SEZ6L: variants seen among roughly 807,000 people sequenced by gnomAD.
The protein encoded by SEZ6L is seizure related 6 homolog like, also known as seizure 6-like protein.
In SEZ6L, 37 loss-of-function variants were observed where a neutral mutation model predicts 106.2. The observed-to-expected ratio is 0.35, with a 90% CI of 0.27 to 0.46. The LOEUF (loss-of-function observed/expected upper bound fraction) is 0.46. SEZ6L is among the 20% of genes least tolerant of loss of function. The pLI is 1.00. For synonymous variants in SEZ6L, 541 were observed against 570.4 expected (o/e 0.95, Z 0.73); for missense variants, 1,172 against 1,332.8 (o/e 0.88, Z 1.88).
chr22:26,294,154 C>T (rs1409026846), intron 2 of SEZ6L, 138 bp from the exon 3 acceptor site: 2 of 723,692 alleles, frequency 2.8e-6, no homozygotes, highest in Non-Finnish European at 4.7e-6. Context: ...AATTCTGGAG[C>T]TGAGGAATTA....
chr22:26,306,264 G>T (rs1055499804), intron 6 of SEZ6L, 120 bp downstream of exon 6: 50 of 1,141,820 alleles, frequency 4.4e-5, no homozygotes, highest in Non-Finnish European at 5.6e-5. Context: ...GAAAAGAAGA[G>T]CTGGGGTGGA....
At chr22:26,352,160 CAA>C (rs3071657) in intron 12 of SEZ6L, among the ~76,000 whole-genome samples, 21 of 121,118 alleles carry the variant, frequency 1.7e-4, no homozygotes, top group South Asian at 2.8e-4. Context: ...GACCCTGCCT[CAA>C]AAAAAAAAAA....
At chr22:26,347,309 G>A (rs767192588) in intron 10 of SEZ6L, among the ~76,000 whole-genome samples, 11 of 151,990 alleles carry the variant, frequency 7.2e-5, no homozygotes, top group Admixed American at 1.3e-4. Context: ...GTAAACCCTC[G>A]GAGGTGAGAG....
At chr22:26,310,086 C>G (rs1175168303) in intron 6 of SEZ6L, among the ~76,000 whole-genome samples, 2 of 152,226 alleles carry the variant, frequency 1.3e-5, no homozygotes, top group Non-Finnish European at 2.9e-5. Context: ...TAGTCAACAT[C>G]AATTCATTAG....
At chr22:26,204,223 A>G (rs1041760065) in intron 1 of SEZ6L, among the ~76,000 whole-genome samples, 4 of 152,240 alleles carry the variant, frequency 2.6e-5, no homozygotes, top group Non-Finnish European at 5.9e-5. Context: ...AAGGTACAAT[A>G]CAGACATGGT....
At chr22:26,279,093 G>A (rs1296662176) in intron 1 of SEZ6L, among the ~76,000 whole-genome samples, 1 of 152,084 alleles carries the variant, frequency 6.6e-6, no homozygotes, top group African/African-American at 2.4e-5. Context: ...CCAGTGCCTC[G>A]ACTTCCCATG....
rs2081618684 is a variant in SEZ6L at position 26,306,003 on chromosome 22, A to G, written c.1373A>G (p.Asn458Ser). 1 of 1,613,624 alleles carries G rather than the reference A, an allele frequency of 6.2e-7. No homozygotes were observed. Among genetic ancestry groups the G allele is most frequent in the African/African-American group, 1.3e-5 (1 of 74,854 alleles). ...GCTCCTTGTGGAGGGGCAGTGCACA[A>G]TGCCACCATCGGCCGCGTCCTCTCC... The part of the protein sequence containing the change: ...CSAPCGGAVH[N>S]ATIGRVLSPS... Residue 458 changes from asparagine (N) to serine (S), a missense_variant, in exon 6 of 17, where the codon AAT becomes AGT. Around this residue, in one of 4 missense-constraint regions of SEZ6L, gnomAD observed 534 missense variants for 691.0 expected, o/e 0.77. Transcript: ENST00000248933.
intron 9 of SEZ6L, among the ~76,000 whole-genome samples, chr22:26,338,458 C>T (rs2082712707): frequency 6.6e-6 from 1 of 152,186 alleles, no homozygotes; most frequent in Non-Finnish European, 1.5e-5. Context: ...AGTACAGTGG[C>T]ACAATCATAG....
chr22:26,228,189 C>T (rs9624998), intron 1 of SEZ6L, among the ~76,000 whole-genome samples: 13,737 of 152,084 alleles, frequency 0.09, 1,261 homozygotes, highest in African/African-American at 0.23. Context: ...TGAGCAAGTG[C>T]GTGAACAAAT....
At chr22:26,311,524 A>G (rs1372278722) in intron 7 of SEZ6L, among the ~76,000 whole-genome samples, 3 of 151,956 alleles carry the variant, frequency 2.0e-5, no homozygotes, top group Non-Finnish European at 4.4e-5. Context: ...AAACACAACA[A>G]CTCCACAGGG....
intron 14 of SEZ6L, among the ~76,000 whole-genome samples, 162 bp downstream of exon 14, chr22:26,373,645 A>T (rs750446710): frequency 5.3e-5 from 8 of 152,188 alleles, no homozygotes; most frequent in Admixed American, 6.5e-5. Flanking sequence ...GGGGAAAAAA[A>T]ATTATGGGAT....
At chr22:26,280,052 C>A in intron 1 of SEZ6L, among the ~76,000 whole-genome samples, 1 of 152,134 alleles carries the variant, frequency 6.6e-6, no homozygotes, top group East Asian at 1.9e-4. Flanking sequence ...TCTCTTTGAG[C>A]CCAAACCTCA....
At chr22:26,218,583 C>T (rs2078364321) in intron 1 of SEZ6L, among the ~76,000 whole-genome samples, 2 of 152,222 alleles carry the variant, frequency 1.3e-5, no homozygotes, top group Admixed American at 6.5e-5. Context: ...GGGTGGATCA[C>T]TTGAGGTCAG....
At chr22:26,229,519 T>C (rs1181712013) in intron 1 of SEZ6L, among the ~76,000 whole-genome samples, 1 of 152,188 alleles carries the variant, frequency 6.6e-6, no homozygotes, top group Non-Finnish European at 1.5e-5. Flanking sequence ...CCAATAGGGA[T>C]TTTGATTCAG....
chr22:26,172,637 T>C (rs1938703402), intron 1 of SEZ6L, among the ~76,000 whole-genome samples: 1 of 152,170 alleles, frequency 6.6e-6, no homozygotes, highest in Admixed American at 6.5e-5. Context: ...AATTCTGACC[T>C]GTGAACAACC....
rs79300532 is a variant in SEZ6L, at chr22:26,338,353, T to A, written c.2016-2083T>A. On this transcript the variant is annotated intron_variant, in intron 9 of 16. Coordinates refer to ENST00000248933, the MANE Select transcript of SEZ6L (RefSeq NM_021115.5). ...ATTCTTTCAGGAACCATGGTCTTAC[T>A]CCTTTCTTCCCTCTGCCTTCTCCCC... Among the ~76,000 whole-genome samples, 5 of 152,302 alleles carry A rather than the reference T, an allele frequency of 3.3e-5. No individual in the cohort carries two copies. The South Asian group carries it at 8.3e-4, about 25-fold the overall frequency.
intron 1 of SEZ6L, among the ~76,000 whole-genome samples, chr22:26,283,881 A>C (rs1424087456): frequency 6.6e-6 from 1 of 152,226 alleles, no homozygotes; most frequent in Non-Finnish European, 1.5e-5. Flanking sequence ...GAAGGTGCAC[A>C]TATGTGGGTA....
At chr22:26,313,968 C>T in intron 9 of SEZ6L, 66 bp downstream of exon 9, 1 of 1,508,902 alleles carries the variant, frequency 6.6e-7, no homozygotes, top group Non-Finnish European at 9.2e-7. Flanking sequence ...AGAAATTGCT[C>T]CTGCTTTATT....
At chr22:26,232,137 G>T (rs1414692307) in intron 1 of SEZ6L, among the ~76,000 whole-genome samples, 2 of 152,034 alleles carry the variant, frequency 1.3e-5, no homozygotes, top group African/African-American at 4.8e-5. Flanking sequence ...AAAAGTGAAG[G>T]CGTAACACAG....
Sources: allele counts gnomAD v4.1 joint callset (sites outside exome capture counted in the v4.1 genomes callset), GRCh38; gene constraint gnomAD v4.1.1; regional missense constraint gnomAD v4.1.1; transcripts MANE v1.5; gene names NCBI Gene and HGNC (gene_info 2026-07-23, HGNC 2026-07-21).